The following KLF8 variants were observed in gnomAD, a reference collection of about 807,000 sequenced individuals.
KLF8 encodes the protein Krueppel-like factor 8.
In KLF8, 10 loss-of-function variants were observed where a neutral mutation model predicts 18.2. The observed-to-expected ratio is 0.55, with a 90% CI of 0.34 to 0.93. The LOEUF (loss-of-function observed/expected upper bound fraction) is 0.93, where lower values mean the gene tolerates loss of function less well. Among genes scored for constraint, KLF8 ranks in the 40% least tolerant of loss-of-function variants. KLF8 has a pLI of 0.02. For missense variants in KLF8, 264 were observed against 277.9 expected (o/e 0.95, Z 0.36); for synonymous variants, 109 against 97.3 (o/e 1.12, Z -0.71).
the KLF8 span, among the ~76,000 whole-genome samples, chrX:56,103,204 G>C: frequency 9.1e-6 from 1 of 109,594 alleles, no homozygotes; most frequent in Non-Finnish European, 1.9e-5. Context: ...GCTCTTTTTT[G>C]GTTCCATATG....
the KLF8 span, among the ~76,000 whole-genome samples, chrX:56,084,560 T>C: frequency 8.9e-6 from 1 of 112,073 alleles, no homozygotes; most frequent in African/African-American, 3.2e-5. Context: ...GCAGAACTCA[T>C]TAAGCTTCAA....
chrX:56,170,847 G>C, the KLF8 span, among the ~76,000 whole-genome samples: 5 of 111,277 alleles, frequency 4.5e-5, no homozygotes, highest in Non-Finnish European at 9.4e-5. Flanking sequence ...AGAACACCAA[G>C]CAAATTTAAC....
chrX:56,180,967 G>A, the KLF8 span, among the ~76,000 whole-genome samples: 1 of 111,689 alleles, frequency 9.0e-6, no homozygotes, highest in Non-Finnish European at 1.9e-5. Context: ...TTCTGTATGT[G>A]TCTGTTAGGT....
At chrX:56,196,769 T>C in the KLF8 span, among the ~76,000 whole-genome samples, 1 of 111,737 alleles carries the variant, frequency 8.9e-6, no homozygotes, top group Admixed American at 9.5e-5. Context: ...TACAGAACTC[T>C]CCACCCCAAA....
At chrX:56,098,712 A>G in the KLF8 span, among the ~76,000 whole-genome samples, 54 of 111,507 alleles carry the variant, frequency 4.8e-4, no homozygotes, top group Admixed American at 1.4e-3. Flanking sequence ...CTGAATCAAC[A>G]TAGCATTGGA....
At chrX:56,038,686 A>G in the KLF8 span, among the ~76,000 whole-genome samples, 1 of 112,668 alleles carries the variant, frequency 8.9e-6, no homozygotes, top group East Asian at 2.8e-4. Context: ...ATATGCATGC[A>G]TGTATCTATA....
chrX:56,095,694 TAAA>T, the KLF8 span, among the ~76,000 whole-genome samples: 4 of 110,740 alleles, frequency 3.6e-5, no homozygotes, highest in African/African-American at 1.3e-4. Context: ...CTAAGAAACA[TAAA>T]AAATCCTCAA....
At chrX:55,924,402 G>A in the KLF8 span, among the ~76,000 whole-genome samples, 1 of 111,104 alleles carries the variant, frequency 9.0e-6, no homozygotes, top group Non-Finnish European at 1.9e-5. Context: ...AATCTTTATT[G>A]CGTGTTTCAT....
the KLF8 span, among the ~76,000 whole-genome samples, chrX:56,035,984 A>G: frequency 8.9e-6 from 1 of 112,213 alleles, no homozygotes; most frequent in African/African-American, 3.2e-5. Context: ...TTGATATAAT[A>G]CTATTTTTTA....
the KLF8 span, among the ~76,000 whole-genome samples, chrX:56,027,388 C>G: frequency 8.9e-6 from 1 of 111,912 alleles, no homozygotes; most frequent in South Asian, 3.7e-4. Flanking sequence ...CACACTGCCT[C>G]TAATAATTGT....
the KLF8 span, among the ~76,000 whole-genome samples, chrX:55,916,900 C>G: frequency 2.7e-5 from 3 of 111,817 alleles, no homozygotes; most frequent in African/African-American, 9.7e-5. Context: ...TGAAGTTTTG[C>G]TCTCAGCAAA....
intron 1 of KLF8, among the ~76,000 whole-genome samples, chrX:56,246,872 C>T (rs1209537597): frequency 1.8e-5 from 2 of 110,929 alleles, no homozygotes; most frequent in Non-Finnish European, 3.8e-5. Context: ...GGTTTGTGAA[C>T]TCATGGGGTA....
the KLF8 span, among the ~76,000 whole-genome samples, chrX:56,114,263 TC>T: frequency 1.8e-5 from 2 of 111,384 alleles, no homozygotes; most frequent in African/African-American, 6.5e-5. Context: ...AGCCAACCCT[TC>T]CCCCCAGGAA....
chrX:56,111,954 C>T, the KLF8 span, among the ~76,000 whole-genome samples: 8 of 111,634 alleles, frequency 7.2e-5, no homozygotes, highest in African/African-American at 2.6e-4. Flanking sequence ...ACCAGAAATA[C>T]AATTTGACCC....
At chrX:55,935,078 G>A in the KLF8 span, among the ~76,000 whole-genome samples, 1 of 111,970 alleles carries the variant, frequency 8.9e-6, no homozygotes, top group African/African-American at 3.2e-5. Context: ...TACTTACCTA[G>A]CACAGTCATG....
At chrX:56,146,988 G>T in the KLF8 span, among the ~76,000 whole-genome samples, 1 of 112,156 alleles carries the variant, frequency 8.9e-6, no homozygotes, top group Non-Finnish European at 1.9e-5. Context: ...TTGTCCCTGG[G>T]TGAGTGTATG....
At chrX:56,123,735 A>C in the KLF8 span, among the ~76,000 whole-genome samples, 2 of 112,174 alleles carry the variant, frequency 1.8e-5, no homozygotes, top group African/African-American at 6.5e-5. Context: ...TATTTCCACA[A>C]ATAGATGCTG....
the KLF8 span, among the ~76,000 whole-genome samples, chrX:56,189,412 A>C: frequency 1.8e-5 from 2 of 111,516 alleles, no homozygotes; most frequent in African/African-American, 6.5e-5. Flanking sequence ...ACACTTTTAC[A>C]CTGTTGGTGG....
chrX:56,233,258 T>G lies in KLF8; in HGVS notation c.-77T>G. Reference sequence around the variant, plus strand: ...GCGGGTGTGAGGGGAACAGCTCTCTTGCGATCAGCTCAGGAGTATGAGCCT... The same window carrying G: ...GCGGGTGTGAGGGGAACAGCTCTCTGGCGATCAGCTCAGGAGTATGAGCCT... On this transcript the variant is annotated 5_prime_UTR_variant, in exon 1 of 6. Coordinates refer to ENST00000468660, the MANE Select transcript of KLF8 (RefSeq NM_007250.5). 1 of 1,177,731 alleles carries G rather than the reference T, an allele frequency of 8.5e-7. No homozygotes were observed. The highest frequency in any genetic ancestry group is 1.2e-6 in the Non-Finnish European group (1 of 866,355).
Sources: allele counts gnomAD v4.1 joint callset (sites outside exome capture counted in the v4.1 genomes callset), GRCh38; gene constraint gnomAD v4.1.1; transcripts MANE v1.5; gene names NCBI Gene and HGNC (gene_info 2026-07-23, HGNC 2026-07-21).